The following YEATS2 variants were observed in gnomAD, a reference collection of about 807,000 sequenced individuals.
YEATS2 encodes YEATS domain containing 2.
YEATS2 carries 77 observed loss-of-function variants against 163.2 expected under a neutral mutation model. That is an observed-to-expected ratio of 0.47 (90% confidence interval 0.39 to 0.57). The LOEUF (loss-of-function observed/expected upper bound fraction) is 0.57. YEATS2 is among the 20% of genes least tolerant of loss of function. The probability of loss-of-function intolerance (pLI) is 0.00; values close to 1 mark genes in which losing one functional copy is unlikely to be tolerated. For synonymous variants in YEATS2, 631 were observed against 645.1 expected, an observed-to-expected ratio of 0.98 and a Z score of 0.33; for missense variants, 1,549 against 1,729.8, an observed-to-expected ratio of 0.90 and a Z score of 1.85.
chr3:183,765,240 A>G (rs1721788976), intron 15 of YEATS2, among the ~76,000 whole-genome samples: 1 of 152,180 alleles, frequency 6.6e-6, no homozygotes. Flanking sequence ...TTTGCTTCAC[A>G]TAGGGATATG....
chr3:183,807,544 G>T, intron 28 of YEATS2: 1 of 234,466 alleles, frequency 4.3e-6, no homozygotes, highest in South Asian at 5.8e-5. Context: ...GCGTGCACCT[G>T]CCTTACTATA....
In YEATS2 at chr3:183,806,853, G is replaced by A. The variant is rs1450835841; in HGVS notation, c.3785-13G>A. 1.9e-6 allele frequency: 3 copies of A among 1,613,698 alleles called. No individual in the cohort carries two copies. Among genetic ancestry groups the A allele is most frequent in the African/African-American group, 1.3e-5 (1 of 74,920 alleles). On this transcript the variant is annotated splice_polypyrimidine_tract_variant and intron_variant, in intron 27 of 30. Transcript: ENST00000305135. ...CCCCACAGCTGTTGTAACACTGCTT[G>A]CCTGTCATTTAGAGTGCCCATCATC...
chr3:183,778,119 A>G (rs1310581771), intron 19 of YEATS2, among the ~76,000 whole-genome samples: 2 of 148,840 alleles, frequency 1.3e-5, no homozygotes, highest in African/African-American at 2.6e-5. Flanking sequence ...CTCAAAAAAA[A>G]AAAAAAAAAG....
intron 19 of YEATS2, among the ~76,000 whole-genome samples, chr3:183,784,775 A>G (rs1461526757): frequency 1.3e-5 from 2 of 150,844 alleles, no homozygotes; most frequent in Non-Finnish European, 3.0e-5. Context: ...TACTCTTGCC[A>G]TTAAAAAAAA....
intron 23 of YEATS2, among the ~76,000 whole-genome samples, chr3:183,799,727 A>G (rs1033606236): frequency 2.0e-5 from 3 of 152,120 alleles, no homozygotes; most frequent in African/African-American, 4.8e-5. Flanking sequence ...GATAATGCTG[A>G]AAGTTGATAA....
chr3:183,711,509 T>G (rs1715219680), intron 1 of YEATS2, among the ~76,000 whole-genome samples: 1 of 146,922 alleles, frequency 6.8e-6, no homozygotes, highest in South Asian at 2.2e-4. Context: ...TAAAACATAA[T>G]AGTTGGGTTC....
chr3:183,714,645 T>G (rs893028260), intron 1 of YEATS2, among the ~76,000 whole-genome samples: 3 of 152,230 alleles, frequency 2.0e-5, no homozygotes, highest in African/African-American at 4.8e-5. Context: ...ACCTGCTAAG[T>G]ACCAGAGAAA....
rs188750294 is a variant in YEATS2 at position 183,798,188 on chromosome 3, C to T, written c.3226+137C>T. On this transcript the variant is annotated intron_variant, in intron 22 of 30. Coordinates refer to ENST00000305135, the MANE Select transcript of YEATS2 (RefSeq NM_018023.5). ...ATTCCCAGCGCCTGTGTACAGCCAC[C>T]CTTCAGCTGTCATGGTATTCCCAGC... is the stretch of plus-strand genomic sequence containing the variant. The T allele has an allele frequency of 1.6e-4, 213 of 1,299,894 alleles. 3 individuals carry two copies. The Middle Eastern group carries it at 3.1e-3, about 19-fold the overall frequency. The allele number at this position is 1,299,894 out of a possible 1,614,324, so 80.5% of individuals were successfully genotyped here.
chr3:183,761,077 A>T (rs1721298605), intron 13 of YEATS2, among the ~76,000 whole-genome samples: 1 of 151,930 alleles, frequency 6.6e-6, no homozygotes, highest in Non-Finnish European at 1.5e-5. Flanking sequence ...GACCCCAAGG[A>T]ATTTTAGGTT....
At chr3:183,713,456 A>G (rs1715479163) in intron 1 of YEATS2, among the ~76,000 whole-genome samples, 1 of 152,094 alleles carries the variant, frequency 6.6e-6, no homozygotes, top group African/African-American at 2.4e-5. Flanking sequence ...TTAGCTACTC[A>G]GGAGGCTGAG....
At chr3:183,721,765 T>C in intron 4 of YEATS2, 126 bp from the exon 5 acceptor site, 1 of 1,242,030 alleles carries the variant, frequency 8.1e-7, no homozygotes, top group Non-Finnish European at 1.1e-6. Context: ...ATTTTATGGA[T>C]GTGGGGAGAT....
chr3:183,787,470 A>T (rs1266347717), intron 20 of YEATS2, among the ~76,000 whole-genome samples: 3 of 151,906 alleles, frequency 2.0e-5, no homozygotes, highest in African/African-American at 7.3e-5. Context: ...AATGATATTG[A>T]GCATCTTTTC....
At chr3:183,806,197 C>A in intron 27 of YEATS2, 1 of 418,118 alleles carries the variant, frequency 2.4e-6, no homozygotes, top group Non-Finnish European at 4.7e-6. Flanking sequence ...ATATTTTCAA[C>A]TTACGATGGG....
chr3:183,723,727 C>T (rs144937412), intron 5 of YEATS2, among the ~76,000 whole-genome samples: 226 of 152,280 alleles, frequency 1.5e-3, no homozygotes, highest in Non-Finnish European at 1.0e-3. Context: ...GCCTGACTAA[C>T]ATGGTGAAAC....
chr3:183,719,164 T>G (rs1334960513), intron 4 of YEATS2, among the ~76,000 whole-genome samples: 12 of 152,072 alleles, frequency 7.9e-5, no homozygotes, highest in African/African-American at 1.9e-4. Context: ...TTTTTTTTTT[T>G]TTTGTTTGTT....
At chr3:183,713,878 TCA>T (rs1211017996) in intron 1 of YEATS2, among the ~76,000 whole-genome samples, 1 of 152,160 alleles carries the variant, frequency 6.6e-6, no homozygotes, top group Non-Finnish European at 1.5e-5. Flanking sequence ...CGATCTCGGC[TCA>T]CTGCAACCGC....
chr3:183,755,317 A>G (rs896594538), intron 11 of YEATS2, among the ~76,000 whole-genome samples: 3 of 152,114 alleles, frequency 2.0e-5, no homozygotes, highest in Non-Finnish European at 4.4e-5. Context: ...GAGTTTCACC[A>G]TATTGGCCAG....
chr3:183,790,668 C>A, intron 20 of YEATS2, 129 bp from the exon 21 acceptor site: 2 of 942,606 alleles, frequency 2.1e-6, no homozygotes, highest in Non-Finnish European at 3.1e-6. Flanking sequence ...AATGGTATGG[C>A]ATTTACTAAG....
chr3:183,801,734 A>G, intron 25 of YEATS2: 1 of 468,352 alleles, frequency 2.1e-6, no homozygotes, highest in Non-Finnish European at 3.8e-6. Flanking sequence ...GTTGATCTGT[A>G]GAAGGAATGT....
Sources: gnomAD v4.1 joint callset for allele counts (sites outside exome capture counted in the v4.1 genomes callset) on GRCh38, gnomAD v4.1.1 for gene constraint, MANE v1.5 for transcripts, NCBI Gene and HGNC (gene_info 2026-07-23, HGNC 2026-07-21) for gene names.